TENM2: variants seen among roughly 807,000 people sequenced by gnomAD.
TENM2 encodes the protein teneurin-2.
A neutral mutation model predicts 245.2 loss-of-function variants in TENM2; 52 were observed. The observed-to-expected ratio is 0.21, with a 90% CI of 0.17 to 0.27. The LOEUF is 0.27. Ranked by LOEUF, TENM2 falls within the 10% of genes least tolerant of loss-of-function variation. The probability of loss-of-function intolerance (pLI) is 1.00; values close to 1 mark genes in which losing one functional copy is unlikely to be tolerated. For missense variants in TENM2, 3,046 were observed against 3,666.8 expected (o/e 0.83, Z 4.37); for synonymous variants, 1,363 against 1,438.9 (o/e 0.95, Z 1.19).
At position 167,471,291 on chromosome 5, in the gene TENM2, G is replaced by A. The variant is rs535505083; in HGVS notation, c.502+95818G>A. Reference sequence around the variant, plus strand: ...AAGTACAATCATTTTGTTTCCCTTTGGCTAGGAGCTAACATTCTTTCCCAA... The same window carrying A: ...AAGTACAATCATTTTGTTTCCCTTTAGCTAGGAGCTAACATTCTTTCCCAA... On this transcript the variant is annotated intron_variant, in intron 2 of 28. Transcript: ENST00000518659. Among the ~76,000 whole-genome samples the A allele has an allele frequency of 5.3e-4, 81 of 152,134 alleles. 1 individual carries two copies. The highest frequency in any genetic ancestry group is 4.4e-3 in the South Asian group (21 of 4,822).
chr5:167,395,828 A>C (rs1362695230), intron 2 of TENM2, among the ~76,000 whole-genome samples: 1 of 152,128 alleles, frequency 6.6e-6, no homozygotes, highest in Non-Finnish European at 1.5e-5. Flanking sequence ...GATAATTTTA[A>C]GTGAGGACTT....
chr5:167,239,153 C>T, the TENM2 span, among the ~76,000 whole-genome samples: 3 of 152,188 alleles, frequency 2.0e-5, no homozygotes, highest in Non-Finnish European at 4.4e-5. Flanking sequence ...TGAAGAGTGC[C>T]TTGTCATGTT....
chr5:168,135,740 G>A (rs1754993168), intron 12 of TENM2, among the ~76,000 whole-genome samples: 1 of 152,074 alleles, frequency 6.6e-6, no homozygotes, highest in African/African-American at 2.4e-5. Flanking sequence ...CTAGTTTTAA[G>A]TAAAGTGTTC....
At chr5:168,043,428 G>A (rs1788363683) in intron 5 of TENM2, among the ~76,000 whole-genome samples, 1 of 152,098 alleles carries the variant, frequency 6.6e-6, no homozygotes, top group Non-Finnish European at 1.5e-5. Flanking sequence ...ATTAAAATTG[G>A]AGGTATGATG....
chr5:167,078,862 A>G, the TENM2 span, among the ~76,000 whole-genome samples: 199 of 152,304 alleles, frequency 1.3e-3, no homozygotes, highest in African/African-American at 4.6e-3. Context: ...AGCTTCTCCA[A>G]CACAGCCTTT....
intron 2 of TENM2, among the ~76,000 whole-genome samples, chr5:167,725,491 C>G (rs1007571103): frequency 2.6e-5 from 4 of 152,280 alleles, no homozygotes; most frequent in Non-Finnish European, 5.9e-5. Flanking sequence ...GCCTCTCATG[C>G]TAAATGCTTA....
chr5:167,444,302 C>CAA (rs1554153814), intron 2 of TENM2, among the ~76,000 whole-genome samples: 2 of 96,798 alleles, frequency 2.1e-5, no homozygotes, highest in Non-Finnish European at 5.2e-5. Context: ...TACACATACA[C>CAA]ACACACACAC....
chr5:166,988,683 G>A, the TENM2 span, among the ~76,000 whole-genome samples: 1 of 152,214 alleles, frequency 6.6e-6, no homozygotes, highest in Non-Finnish European at 1.5e-5. Context: ...ATAAGATATA[G>A]AAACAGGCAT....
chr5:167,706,193 T>C (rs1041099222), intron 2 of TENM2, among the ~76,000 whole-genome samples: 18 of 146,118 alleles, frequency 1.2e-4, no homozygotes, highest in Non-Finnish European at 2.7e-4. Context: ...AGTATAATCA[T>C]ATACTATATA....
chr5:167,180,103 C>CTTTT, the TENM2 span, among the ~76,000 whole-genome samples: 41 of 114,950 alleles, frequency 3.6e-4, 1 homozygote, highest in African/African-American at 1.6e-3. Context: ...TAAGTGCTTC[C>CTTTT]TTTTTTTTTT....
At chr5:167,101,849 T>TTTTATATATATATATATATATATATA in the TENM2 span, among the ~76,000 whole-genome samples, 3 of 69,434 alleles carry the variant, frequency 4.3e-5, no homozygotes, top group African/African-American at 1.7e-4. Context: ...ATATATATAT[T>TTTTATATATATATATATATATATATA]TATATATATA....
At chr5:167,119,048 A>C in the TENM2 span, among the ~76,000 whole-genome samples, 1 of 152,222 alleles carries the variant, frequency 6.6e-6, no homozygotes, top group Admixed American at 6.5e-5. Context: ...CCTGGGTCAC[A>C]TCCCCACTTC....
rs1361021247 is a variant in TENM2, at chr5:167,321,799, T to TTTTTTTTTTG, written c.226+36738_226+36739insTTTTTTTGTT. On this transcript the variant is annotated intron_variant, in intron 1 of 28. Transcript: ENST00000518659. ...TGCCTTGGCTTATTTTTTTTTTTTTTTTGGGGGGGGGGGCGGGGGGGGGGG... is the reference window on the plus strand; with the variant it reads ...TGCCTTGGCTTATTTTTTTTTTTTTTTTTTTTTTTGTTGGGGGGGGGGGCGGGGGGGGGGG... Among the ~76,000 whole-genome samples the TTTTTTTTTTG allele has an allele frequency of 2.1e-4, 4 of 19,236 alleles. 1 individual carries two copies. Among genetic ancestry groups the TTTTTTTTTTG allele is most frequent in the Admixed American group, 4.5e-4 (1 of 2,244 alleles). 12.6% of individuals were successfully genotyped at this position (19,236 alleles called of 152,430 possible).
chr5:167,313,378 C>A (rs747954910), intron 1 of TENM2, among the ~76,000 whole-genome samples: 1 of 152,138 alleles, frequency 6.6e-6, no homozygotes, highest in Admixed American at 6.6e-5. Flanking sequence ...CGGTGGCTCA[C>A]GCCTTATAAT....
the TENM2 span, among the ~76,000 whole-genome samples, chr5:167,249,467 C>T: frequency 2.0e-5 from 3 of 152,136 alleles, no homozygotes; most frequent in East Asian, 5.8e-4. Flanking sequence ...CCTTCCCCCT[C>T]TGTCTCTCAC....
At chr5:167,284,410 GT>G (rs1771219015), upstream of TENM2, among the ~76,000 whole-genome samples, 2 of 152,148 alleles carry the variant, frequency 1.3e-5, no homozygotes, top group African/African-American at 2.4e-5. Context: ...TAGAGAGAAT[GT>G]AATTAAAGAA....
At chr5:167,952,640 T>A (rs1294201813) in exon 4 of TENM2, 12 of 1,610,120 alleles carry the variant, frequency 7.5e-6, no homozygotes, top group Non-Finnish European at 1.0e-5. Flanking sequence ...TCCCACCCCC[T>A]CACAACCACA....
At position 167,787,934 on chromosome 5, in the gene TENM2, G is replaced by C. The variant is rs547941634; in HGVS notation, c.503-88052G>C. ...AGATCTTTAATTTCAAATGAATGCT[G>C]TTTCTAATGCTTCATGTTACTTCTC... is the stretch of plus-strand genomic sequence containing the variant. On this transcript the variant is annotated intron_variant, in intron 2 of 28. Coordinates refer to ENST00000518659, the Ensembl canonical transcript of TENM2. Among the ~76,000 whole-genome samples, 10 of 152,344 alleles carry C rather than the reference G, an allele frequency of 6.6e-5. No individual in the cohort carries two copies. The East Asian group carries it at 1.7e-3, about 26-fold the overall frequency.
chr5:167,356,630 T>C (rs1325812309), intron 1 of TENM2, among the ~76,000 whole-genome samples: 3 of 152,230 alleles, frequency 2.0e-5, no homozygotes, highest in African/African-American at 7.2e-5. Context: ...TTGATGTTTA[T>C]GCAGGGGAGT....
Sources: gnomAD v4.1 joint callset for allele counts (sites outside exome capture counted in the v4.1 genomes callset) on GRCh38, gnomAD v4.1.1 for gene constraint, MANE v1.5 for transcripts, NCBI Gene and HGNC (gene_info 2026-07-23, HGNC 2026-07-21) for gene names.